The following TTYH3 variants were observed in gnomAD, a reference collection of about 807,000 sequenced individuals.
The protein encoded by TTYH3 is protein tweety homolog 3.
TTYH3 carries 23 observed loss-of-function variants against 68.2 expected under a neutral mutation model. The ratio of observed to expected loss-of-function variants is 0.34; its 90% CI spans 0.24 to 0.48. The LOEUF (loss-of-function observed/expected upper bound fraction) is 0.48. Among genes scored for constraint, TTYH3 ranks in the 20% least tolerant of loss-of-function variants. The probability of loss-of-function intolerance (pLI) is 0.99; values close to 1 mark genes in which losing one functional copy is unlikely to be tolerated. For missense variants in TTYH3, 768 were observed against 727.7 expected, an observed-to-expected ratio of 1.06 and a Z score of -0.64; for synonymous variants, 360 against 332.8, an observed-to-expected ratio of 1.08 and a Z score of -0.89.
intron 9 of TTYH3, 125 bp from the exon 10 acceptor site, chr7:2,655,966 TG>T (rs1242125983): frequency 7.0e-6 from 5 of 714,742 alleles, no homozygotes; most frequent in East Asian, 2.8e-5. Context: ...GACCCCAGGG[TG>T]GGGGGTATCT....
chr7:2,650,076 CT>C, intron 7 of TTYH3, 88 bp downstream of exon 7: 1 of 1,389,946 alleles, frequency 7.2e-7, no homozygotes, highest in Non-Finnish European at 1.0e-6. Flanking sequence ...CGAGACACCC[CT>C]GCCCTGTGGG....
At chr7:2,647,361 C>G in intron 3 of TTYH3, 57 bp from the exon 4 acceptor site, 2 of 1,475,386 alleles carry the variant, frequency 1.4e-6, no homozygotes, top group Non-Finnish European at 1.8e-6. Flanking sequence ...AGGAGGGGCC[C>G]AGACTCTGGG....
intron 8 of TTYH3, among the ~76,000 whole-genome samples, chr7:2,652,569 C>T (rs1422691536): frequency 6.6e-6 from 1 of 152,170 alleles, no homozygotes. Flanking sequence ...TTCAGGCGTC[C>T]TGGTGGGGGA....
intron 13 of TTYH3, chr7:2,660,500 G>T: frequency 3.0e-6 from 3 of 985,388 alleles, no homozygotes; most frequent in Non-Finnish European, 3.6e-6. Context: ...CCACGGTGGT[G>T]CGGGTGCCTG....
intron 13 of TTYH3, 132 bp downstream of exon 13, chr7:2,659,147 C>G: frequency 1.1e-6 from 1 of 902,372 alleles, no homozygotes; most frequent in Non-Finnish European, 1.7e-6. Context: ...CTGCCACCAC[C>G]GGGGTCCCAG....
chr7:2,650,682 G>A (rs963702380), intron 7 of TTYH3, among the ~76,000 whole-genome samples: 1 of 152,074 alleles, frequency 6.6e-6, no homozygotes, highest in African/African-American at 2.4e-5. Context: ...CAGTGGGGCT[G>A]AGTCTCTGTG....
At chr7:2,637,681 G>A (rs942941556) in intron 1 of TTYH3, among the ~76,000 whole-genome samples, 4 of 152,178 alleles carry the variant, frequency 2.6e-5, no homozygotes, top group Non-Finnish European at 4.4e-5. Flanking sequence ...AGTGCCTGAC[G>A]TGGCCACCGG....
chr7:2,658,571 G>T, intron 12 of TTYH3, 112 bp downstream of exon 12: 1 of 1,358,110 alleles, frequency 7.4e-7, no homozygotes, highest in Admixed American at 2.4e-5. Flanking sequence ...GCGGCCTCCG[G>T]GCTGGGCAGC....
intron 11 of TTYH3, among the ~76,000 whole-genome samples, chr7:2,657,786 CCT>C (rs1250548419): frequency 6.6e-6 from 1 of 152,222 alleles, no homozygotes; most frequent in African/African-American, 2.4e-5. Context: ...GGCAGCCCAC[CCT>C]GTGTCCCATG....
rs1453839438 is a variant in TTYH3, at chr7:2,656,314, C to G, written c.1114-84C>G. 3 of 1,572,438 alleles carry G rather than the reference C, an allele frequency of 1.9e-6. No homozygotes were observed. The African/African-American group carries it at 4.0e-5, about 21-fold the overall frequency. ...CCCTGCCTCTGGGGGGCGGTCCAGG[C>G]CGCCGTGGCTGGGCTGAAGGTCTCA... On this transcript the variant is annotated intron_variant, in intron 10 of 13. Coordinates refer to ENST00000258796, the MANE Select transcript of TTYH3 (RefSeq NM_025250.3).
Position 2,632,213 on chromosome 7 carries a change from C to T in TTYH3, c.58C>T (p.His20Tyr). Residue 20 changes from histidine to tyrosine, a missense_variant, in exon 1 of 14, where the codon CAC becomes TAC. His to Tyr is a moderately conservative substitution (Grantham distance 83). Transcript: ENST00000258796. ...WWVSLLHRLP[H>Y]FDLSWEATSS... ...GGTGAGCCTCCTGCACCGGCTGCCC[C>T]ACTTCGACCTGAGCTGGGAGGCCAC... 2 of 1,574,028 alleles carry T rather than the reference C, an allele frequency of 1.3e-6. No homozygotes were observed. Among genetic ancestry groups the T allele is most frequent in the Non-Finnish European group, 1.7e-6 (2 of 1,159,768 alleles).
rs565506141 is a variant in TTYH3, at chr7:2,637,037, G to A, written c.123+4759G>A. ...GTTGGGGTGGTTATTCTTGCTCAGG[G>A]TGCTGGCTCCCTGATCTCCCCAGTT... On this transcript the variant is annotated intron_variant, in intron 1 of 13. Transcript: ENST00000258796. Among the ~76,000 whole-genome samples the A allele has an allele frequency of 5.3e-5, 8 of 152,168 alleles. No individual in the cohort carries two copies. The South Asian group carries it at 1.4e-3, about 28-fold the overall frequency.
chr7:2,656,156 C>T lies in TTYH3; in HGVS notation c.1085C>T (p.Ala362Val), dbSNP rs1322864040. Residue 362 changes from alanine (A) to valine (V), a missense_variant, in exon 10 of 14, where the codon GCC becomes GTC. Coordinates refer to ENST00000258796, the MANE Select transcript of TTYH3 (RefSeq NM_025250.3). Reference protein sequence around the residue: ...GTEVNLQHLTALVDCRSLHLD... With the variant: ...GTEVNLQHLTVLVDCRSLHLD... ...GAGGTGAACCTGCAGCACCTCACCG[C>T]CCTGGTGGACTGCCGCAGCCTGCAT... 4 of 1,570,268 alleles carry T rather than the reference C, an allele frequency of 2.5e-6. No homozygotes were observed. The highest frequency in any genetic ancestry group is 1.2e-5 in the South Asian group (1 of 85,478).
At chr7:2,652,329 G>C in intron 8 of TTYH3, 87 bp downstream of exon 8, 1 of 1,197,756 alleles carries the variant, frequency 8.3e-7, no homozygotes, top group African/African-American at 1.5e-5. Context: ...CCTGGCGCCT[G>C]GCTCCTCAGC....
intron 1 of TTYH3, among the ~76,000 whole-genome samples, chr7:2,643,652 C>T (rs116208946): frequency 2.7e-3 from 414 of 152,350 alleles, no homozygotes; most frequent in African/African-American, 9.5e-3. Context: ...TCCTGTTTGG[C>T]CAGGGCTTAT....
In TTYH3 at chr7:2,637,929, G is replaced by A. The variant is rs146899646; in HGVS notation, c.123+5651G>A. Among the ~76,000 whole-genome samples, 426 of 152,324 alleles carry A rather than the reference G, an allele frequency of 2.8e-3. 7 individuals are homozygous for A. Among genetic ancestry groups the A allele is most frequent in the East Asian group, 0.026 (133 of 5,170 alleles). ...TTGGCCGAGGGTGTGGGAGGAAGCC[G>A]GGCCACCCACAGAGTGCCAGTGCCT... is the stretch of plus-strand genomic sequence containing the variant. On this transcript the variant is annotated intron_variant, in intron 1 of 13. Transcript: ENST00000258796.
chr7:2,656,207 G>A (rs1313486851), intron 10 of TTYH3, 23 bp downstream of exon 10: 1 of 1,557,180 alleles, frequency 6.4e-7, no homozygotes, highest in South Asian at 1.2e-5. Context: ...GCCTGGGACA[G>A]GGCCATGGCA....
intron 1 of TTYH3, among the ~76,000 whole-genome samples, chr7:2,639,384 C>G (rs1034999355): frequency 6.6e-6 from 1 of 152,214 alleles, no homozygotes; most frequent in African/African-American, 2.4e-5. Flanking sequence ...TGCCCTCCCC[C>G]ACCTGTTGCG....
chr7:2,642,747 T>C (rs1226531887), intron 1 of TTYH3, among the ~76,000 whole-genome samples: 3 of 148,314 alleles, frequency 2.0e-5, no homozygotes, highest in Non-Finnish European at 4.5e-5. Flanking sequence ...TTTTTTCTTT[T>C]CTTTTTTTTT....
Sources: allele counts gnomAD v4.1 joint callset (sites outside exome capture counted in the v4.1 genomes callset), GRCh38; gene constraint gnomAD v4.1.1; transcripts MANE v1.5; gene names NCBI Gene and HGNC (gene_info 2026-07-23, HGNC 2026-07-21).